ATP10B: variants seen among roughly 807,000 people sequenced by gnomAD.
ATP10B encodes the protein phospholipid-transporting ATPase VB.
In ATP10B, 122 loss-of-function variants were observed where a neutral mutation model predicts 141.2. The observed-to-expected ratio is 0.86, with a 90% CI of 0.75 to 1.00. ATP10B has a LOEUF of 1.00. Ranked by LOEUF, ATP10B falls within the 50% of genes least tolerant of loss-of-function variation. The pLI, the probability that ATP10B is intolerant of heterozygous loss-of-function variation, is 0.00. For synonymous variants in ATP10B, 685 were observed against 692.0 expected (o/e 0.99, Z 0.16); for missense variants, 1,876 against 1,825.3 (o/e 1.03, Z -0.51).
At chr5:160,885,225 T>C in the ATP10B span, among the ~76,000 whole-genome samples, 2 of 152,206 alleles carry the variant, frequency 1.3e-5, no homozygotes, top group East Asian at 3.8e-4. Flanking sequence ...AGAGGGAGAA[T>C]TGCAGAGCTC....
intron 22 of ATP10B, among the ~76,000 whole-genome samples, chr5:160,598,543 T>TA (rs199504139): frequency 4.3e-4 from 64 of 147,802 alleles, no homozygotes; most frequent in South Asian, 3.9e-3. Context: ...ATAATAACAA[T>TA]AAAAAAAAAA....
At chr5:160,669,080 G>A (rs1307050942) in intron 7 of ATP10B, among the ~76,000 whole-genome samples, 1 of 152,302 alleles carries the variant, frequency 6.6e-6, no homozygotes, top group African/African-American at 2.4e-5. Flanking sequence ...CCCAGCCAAA[G>A]GCTGGCAGAA....
chr5:160,885,741 A>T, the ATP10B span, among the ~76,000 whole-genome samples: 1 of 152,246 alleles, frequency 6.6e-6, no homozygotes, highest in Non-Finnish European at 1.5e-5. Flanking sequence ...AGTTGTTTTC[A>T]TCCTAGTTGA....
upstream of ATP10B, among the ~76,000 whole-genome samples, chr5:160,855,955 C>G (rs1753987350): frequency 1.3e-5 from 2 of 151,756 alleles, no homozygotes; most frequent in Non-Finnish European, 2.9e-5. Flanking sequence ...GTTTATACCC[C>G]TGCCAGTACC....
intron 1 of ATP10B, among the ~76,000 whole-genome samples, chr5:160,844,929 T>C (rs1484985204): frequency 1.3e-5 from 2 of 152,186 alleles, no homozygotes; most frequent in Non-Finnish European, 2.9e-5. Context: ...CATCCTTAAA[T>C]AACCACAAGA....
the ATP10B span, among the ~76,000 whole-genome samples, chr5:160,915,624 G>A: frequency 1.3e-3 from 194 of 152,220 alleles, no homozygotes; most frequent in East Asian, 6.4e-3. Flanking sequence ...GAGCCACAGC[G>A]CCCGGCCCCA....
At chr5:160,914,983 G>C in the ATP10B span, among the ~76,000 whole-genome samples, 1 of 152,164 alleles carries the variant, frequency 6.6e-6, no homozygotes, top group East Asian at 1.9e-4. Flanking sequence ...AGCAGCACAA[G>C]GTGGAGACTA....
At position 160,833,758 on chromosome 5, in the gene ATP10B, A is replaced by G. The variant is rs180739984; in HGVS notation, c.-576+18183T>C. ...ATGAAACCTTATAAGACAGAACCCT[A>G]TTTTTACTTTGTGTGATGTTTTTAA... On this transcript the variant is annotated intron_variant, in intron 1 of 25. Transcript: ENST00000327245. Among the ~76,000 whole-genome samples, 763 of 152,256 alleles carry G rather than the reference A, an allele frequency of 5.0e-3. 7 individuals are homozygous for G. The highest frequency in any genetic ancestry group is 0.017 in the African/African-American group (726 of 41,562).
intron 1 of ATP10B, among the ~76,000 whole-genome samples, chr5:160,802,821 T>C (rs990714926): frequency 9.2e-5 from 14 of 152,212 alleles, no homozygotes; most frequent in Non-Finnish European, 1.5e-4. Context: ...TGTGTGGGGA[T>C]GCTTTTGTCT....
chr5:160,663,174 CTT>C (rs1269861123), intron 7 of ATP10B, among the ~76,000 whole-genome samples: 1 of 152,100 alleles, frequency 6.6e-6, no homozygotes, highest in Non-Finnish European at 1.5e-5. Flanking sequence ...AATAGGAACA[CTT>C]TTACACTGTT....
the ATP10B span, among the ~76,000 whole-genome samples, chr5:160,893,083 A>G: frequency 6.6e-6 from 1 of 152,190 alleles, no homozygotes; most frequent in Admixed American, 6.5e-5. Context: ...TGCCTACACC[A>G]CCAGGGCCTT....
chr5:160,721,608 G>A (rs1766004415), intron 2 of ATP10B, among the ~76,000 whole-genome samples: 1 of 152,328 alleles, frequency 6.6e-6, no homozygotes, highest in South Asian at 2.1e-4. Context: ...CTAAGAGGAT[G>A]GGGCTACTGT....
intron 2 of ATP10B, among the ~76,000 whole-genome samples, chr5:160,766,036 A>G (rs1469207693): frequency 1.3e-5 from 2 of 152,196 alleles, no homozygotes; most frequent in Non-Finnish European, 2.9e-5. Context: ...AATAGCCATC[A>G]TTTAAAAATA....
rs558398130 is a variant in ATP10B, at chr5:160,800,983, T to A, written c.-575-15180A>T. Among the ~76,000 whole-genome samples, 7 of 152,300 alleles carry A rather than the reference T, an allele frequency of 4.6e-5. No homozygotes were observed. In the East Asian group the frequency reaches 1.4e-3, roughly 29 times the overall value. On this transcript the variant is annotated intron_variant, in intron 1 of 25. Transcript: ENST00000327245. ...TAATGTACTGTTTGCTGGCTCTTGG[T>A]CCCTTTGACATGCTGTAGAATCCTT...
At chr5:160,716,831 C>G in intron 3 of ATP10B, 78 bp downstream of exon 3, 1 of 899,658 alleles carries the variant, frequency 1.1e-6, no homozygotes, top group Non-Finnish European at 1.3e-6. Context: ...AACCAAAGGA[C>G]TATTGGAGCT....
chr5:160,679,704 A>G lies in ATP10B; in HGVS notation c.470+6375T>C, dbSNP rs140315880. Among the ~76,000 whole-genome samples the G allele has an allele frequency of 2.3e-3, 350 of 152,362 alleles. 1 individual carries two copies. The highest frequency in any genetic ancestry group is 8.2e-3 in the African/African-American group (341 of 41,586). ...GTTTGCCATGGCAATGCACACACTA[A>G]GTCTTGAATTAAAATTTGCTGAATA... On this transcript the variant is annotated intron_variant, in intron 6 of 25. Transcript: ENST00000327245.
chr5:160,834,731 T>C (rs1384891993), intron 1 of ATP10B, among the ~76,000 whole-genome samples: 1 of 152,140 alleles, frequency 6.6e-6, no homozygotes, highest in Non-Finnish European at 1.5e-5. Flanking sequence ...GGCTGAGAAA[T>C]TTTTGGTTAC....
At chr5:160,830,970 A>AAC (rs779765993) in intron 1 of ATP10B, among the ~76,000 whole-genome samples, 1,878 of 70,648 alleles carry the variant, frequency 0.027, 12 homozygotes, top group South Asian at 0.053. Flanking sequence ...TACATACACA[A>AAC]ACACACACAC....
chr5:160,667,379 T>C (rs1330344434), intron 7 of ATP10B, among the ~76,000 whole-genome samples: 1 of 152,082 alleles, frequency 6.6e-6, no homozygotes, highest in East Asian at 1.9e-4. Flanking sequence ...GAGACAATAA[T>C]AGTGCCCATC....
Sources: gnomAD v4.1 joint callset for allele counts (sites outside exome capture counted in the v4.1 genomes callset) on GRCh38, gnomAD v4.1.1 for gene constraint, MANE v1.5 for transcripts, NCBI Gene and HGNC (gene_info 2026-07-23, HGNC 2026-07-21) for gene names.